FLNB: variants seen among roughly 807,000 people sequenced by gnomAD.
FLNB encodes filamin B, also known as filamin-B.
In FLNB, 111 loss-of-function variants were observed where a neutral mutation model predicts 250.6. The ratio of observed to expected loss-of-function variants is 0.44; its 90% CI spans 0.38 to 0.52. The LOEUF (loss-of-function observed/expected upper bound fraction) is 0.52. Among genes scored for constraint, FLNB ranks in the 20% least tolerant of loss-of-function variants. FLNB has a pLI of 0.00. For synonymous variants in FLNB, 1,302 were observed against 1,372.1 expected (o/e 0.95, Z 1.13); for missense variants, 2,869 against 3,447.8 (o/e 0.83, Z 4.20).
intron 41 of FLNB, among the ~76,000 whole-genome samples, chr3:58,158,270 AC>A (rs747144237): frequency 3.3e-5 from 5 of 152,258 alleles, no homozygotes; most frequent in African/African-American, 4.8e-5. Flanking sequence ...ATAGCCACTA[AC>A]CATATGTGAC....
chr3:58,163,124 T>C, intron 42 of FLNB, 30 bp from the exon 43 acceptor site: 1 of 1,612,806 alleles, frequency 6.2e-7, no homozygotes, highest in Non-Finnish European at 8.5e-7. Flanking sequence ...TTTGCTTGAT[T>C]TCACCCTGTG....
At chr3:58,131,020 T>TA (rs1003047048) in intron 25 of FLNB, 112 bp downstream of exon 25, 23 of 999,158 alleles carry the variant, frequency 2.3e-5, no homozygotes, top group Admixed American at 1.1e-4. Flanking sequence ...AAAATTAAAT[T>TA]AAAAAAAATT....
At chr3:58,047,677 GAT>G (rs2097156154) in intron 1 of FLNB, among the ~76,000 whole-genome samples, 1 of 151,800 alleles carries the variant, frequency 6.6e-6, no homozygotes, top group Non-Finnish European at 1.5e-5. Flanking sequence ...GGGTTCAAGC[GAT>G]TCTCCTGCCT....
At chr3:58,029,543 C>T (rs369727886) in intron 1 of FLNB, among the ~76,000 whole-genome samples, 9 of 149,074 alleles carry the variant, frequency 6.0e-5, no homozygotes, top group Non-Finnish European at 1.2e-4. Flanking sequence ...CTTGCTCTGT[C>T]GCCCAGGCTG....
In FLNB at chr3:58,103,504, G is replaced by A. The variant is rs145682564; in HGVS notation, c.1484-455G>A. The stretch of plus-strand genomic sequence containing the variant: ...GTCTGAGGACTTTCTTGCTTTTGTT[G>A]TCCAGCTTTAGATGGAAAAGTATAC... On this transcript the variant is annotated intron_variant, in intron 9 of 45. Transcript: ENST00000295956. Among the ~76,000 whole-genome samples the A allele has an allele frequency of 1.6e-3, 239 of 152,272 alleles. 4 individuals carry two copies. The Middle Eastern group carries it at 0.044, about 28-fold the overall frequency.
In FLNB at chr3:58,109,182, G is replaced by A. The variant is rs148679414; in HGVS notation, c.2059G>A (p.Gly687Arg). 391 of 1,614,062 alleles carry A rather than the reference G, an allele frequency of 2.4e-4. No homozygotes were observed. The highest frequency in any genetic ancestry group is 3.2e-4 in the Non-Finnish European group (374 of 1,180,028). The change falls in exon 14 of 46, where the codon GGG becomes AGG. Residue 687 changes from glycine (G) to arginine (R), a missense_variant. Coordinates refer to ENST00000295956, the MANE Select transcript of FLNB (RefSeq NM_001457.4). ...KAPLKIFAQD[G>R]EGQRIDIQMK... is the part of the protein sequence containing the mutation. ...CCTAGCTCTGGCTTTTTTGCAGGAT[G>A]GGGAAGGCCAACGCATTGACATCCA... is the stretch of plus-strand genomic sequence containing the variant.
intron 1 of FLNB, among the ~76,000 whole-genome samples, chr3:58,042,578 G>A (rs766764021): frequency 9.2e-5 from 14 of 151,944 alleles, no homozygotes; most frequent in Non-Finnish European, 1.8e-4. Context: ...GCAGTAGCAC[G>A]ATCATGGCTC....
chr3:58,071,735 G>T (rs1369920466), intron 1 of FLNB, among the ~76,000 whole-genome samples: 2 of 152,224 alleles, frequency 1.3e-5, no homozygotes, highest in Non-Finnish European at 2.9e-5. Flanking sequence ...TGCCACCGTG[G>T]TTAATCAGTA....
intron 25 of FLNB, chr3:58,132,135 T>C: frequency 1.4e-6 from 1 of 718,804 alleles, no homozygotes. Context: ...TGCCATCCTT[T>C]GATTAACCTA....
chr3:58,079,024 A>T (rs2106953182), intron 3 of FLNB, among the ~76,000 whole-genome samples: 1 of 152,248 alleles, frequency 6.6e-6, no homozygotes, highest in East Asian at 1.9e-4. Context: ...TGTTGGTTTA[A>T]TGTAGATCAT....
intron 24 of FLNB, among the ~76,000 whole-genome samples, chr3:58,130,314 A>G (rs556300938): frequency 1.3e-4 from 19 of 151,962 alleles, no homozygotes; most frequent in African/African-American, 4.1e-4. Context: ...AGGCCTCTCT[A>G]CTTGAAGCAC....
chr3:58,127,373 G>C (rs1433394263), intron 24 of FLNB, among the ~76,000 whole-genome samples: 1 of 151,610 alleles, frequency 6.6e-6, no homozygotes, highest in African/African-American at 2.4e-5. Context: ...CTTATTTTGT[G>C]CTTGGCTCCT....
At chr3:58,025,335 T>TC (rs144116688) in intron 1 of FLNB, among the ~76,000 whole-genome samples, 6,286 of 151,936 alleles carry the variant, frequency 0.041, 448 homozygotes, top group African/African-American at 0.14. Flanking sequence ...TTGCCATGTT[T>TC]CCCAGGCTGG....
chr3:58,053,446 T>C (rs993236502), intron 1 of FLNB, among the ~76,000 whole-genome samples: 6 of 152,156 alleles, frequency 3.9e-5, no homozygotes, highest in Admixed American at 3.9e-4. Context: ...AACACAAATA[T>C]AAGCAAAAAC....
Position 58,170,714 on chromosome 3 carries a change from G to T in FLNB, c.7761G>T (p.Trp2587Cys). The T allele has an allele frequency of 2.5e-6, 4 of 1,614,142 alleles. No individual in the cohort carries two copies. The highest frequency in any genetic ancestry group is 3.4e-6 in the Non-Finnish European group (4 of 1,180,022). The change falls in exon 46 of 46, where the codon TGG becomes TGT. Residue 2587 changes from tryptophan to cysteine, a missense_variant. Physicochemically the swap from Trp to Cys is radical, Grantham distance 215. Around this residue, in one of 5 missense-constraint regions of FLNB, gnomAD observed 1,084 missense variants for 1,315.5 expected, o/e 0.82. Coordinates refer to ENST00000295956, the MANE Select transcript of FLNB (RefSeq NM_001457.4). ...GCGATTATGTGCTGGCTGTGAAGTG[G>T]GGGGAGGAACACATCCCTGGCAGCC... ...ERGDYVLAVK[W>C]GEEHIPGSPF...
chr3:58,075,116 T>C (rs2097199876), intron 1 of FLNB, among the ~76,000 whole-genome samples: 1 of 152,136 alleles, frequency 6.6e-6, no homozygotes, highest in African/African-American at 2.4e-5. Flanking sequence ...CATGCACCCC[T>C]TATCAGCATG....
rs1576678966 is a variant in FLNB, at chr3:58,078,771, G to A, written c.596G>A (p.Arg199Gln). Residue 199 changes from arginine to glutamine, a missense_variant, in exon 3 of 46, where the codon CGA becomes CAA. Transcript: ENST00000295956. ...CCGCAGAAGCCTGTGGATAATGCAC[G>A]AGAAGCCATGCAGCAGGCAGATGAC... ...WDPQKPVDNAREAMQQADDWL... is the reference protein window; with the variant it reads ...WDPQKPVDNAQEAMQQADDWL... 5 of 1,613,890 alleles carry A rather than the reference G, an allele frequency of 3.1e-6. No homozygotes were observed. Among genetic ancestry groups the A allele is most frequent in the Non-Finnish European group, 4.2e-6 (5 of 1,179,946 alleles).
rs74839826 is a variant in FLNB at position 58,124,140 on chromosome 3, C to T, written c.3725-192C>T. Among the ~76,000 whole-genome samples, 4,149 of 152,214 alleles carry T rather than the reference C, an allele frequency of 0.027. 189 individuals carry two copies. Among genetic ancestry groups the T allele is most frequent in the African/African-American group, 0.094 (3,915 of 41,504 alleles). On this transcript the variant is annotated intron_variant, in intron 21 of 45. Coordinates refer to ENST00000295956, the MANE Select transcript of FLNB (RefSeq NM_001457.4). Reference sequence around the variant, plus strand: ...GTGAGCAGTCGTGTTGTCACTTAGCCGTGGCTACTCTAGAAAGGCCTTCTT... The same window carrying T: ...GTGAGCAGTCGTGTTGTCACTTAGCTGTGGCTACTCTAGAAAGGCCTTCTT...
rs1196553000 is a variant in FLNB, at chr3:58,164,364, T to C, written c.7198+1034T>C. ...GTCTTTGCAGGGGAAGTGCGCAGTG[T>C]GGACTCACTGGGGCATGTTTGCATT... On this transcript the variant is annotated intron_variant, in intron 43 of 45. Coordinates refer to ENST00000295956, the MANE Select transcript of FLNB (RefSeq NM_001457.4). This position sits in a 1 kb window ranked among gnomAD's most constrained non-coding sequence, Gnocchi z 4.0. 1 of 152,404 alleles carries C rather than the reference T, an allele frequency of 6.6e-6. No homozygotes were observed. The highest frequency in any genetic ancestry group is 6.5e-5 in the Admixed American group (1 of 15,280). 9.4% of individuals were successfully genotyped at this position (152,404 alleles called of 1,614,324 possible).
Sources: allele counts gnomAD v4.1 joint callset (sites outside exome capture counted in the v4.1 genomes callset), GRCh38; gene constraint gnomAD v4.1.1; regional missense constraint gnomAD v4.1.1; non-coding constraint Gnocchi (gnomAD v3.1); transcripts MANE v1.5; gene names NCBI Gene and HGNC (gene_info 2026-07-23, HGNC 2026-07-21).